The following RABGAP1L variants were observed in gnomAD, a reference collection of about 807,000 sequenced individuals.
The protein encoded by RABGAP1L is rab GTPase-activating protein 1-like.
A neutral mutation model predicts 137.7 loss-of-function variants in RABGAP1L; 63 were observed. The ratio of observed to expected loss-of-function variants is 0.46; its 90% CI spans 0.37 to 0.56. The LOEUF is 0.56. Among genes scored for constraint, RABGAP1L ranks in the 20% least tolerant of loss-of-function variants. RABGAP1L has a pLI of 0.00. For synonymous variants in RABGAP1L, 431 were observed against 433.7 expected (o/e 0.99, Z 0.08); for missense variants, 1,095 against 1,244.0 (o/e 0.88, Z 1.80).
chr1:174,821,137 A>G (rs1211819234), intron 19 of RABGAP1L, among the ~76,000 whole-genome samples: 1 of 152,082 alleles, frequency 6.6e-6, no homozygotes. Flanking sequence ...TCTTTGTCCT[A>G]ATAATTCTGC....
intron 17 of RABGAP1L, among the ~76,000 whole-genome samples, chr1:174,709,058 A>T (rs1422297244): frequency 6.6e-6 from 1 of 152,170 alleles, no homozygotes; most frequent in African/African-American, 2.4e-5. Context: ...GCCTCCAGGA[A>T]ATTCGAACTA....
chr1:174,441,403 T>C (rs1186203919), intron 13 of RABGAP1L, among the ~76,000 whole-genome samples: 1 of 152,120 alleles, frequency 6.6e-6, no homozygotes, highest in Non-Finnish European at 1.5e-5. Context: ...ATTATAATCC[T>C]ATCGGAAAAA....
At chr1:174,933,148 A>C (rs1012491198) in intron 19 of RABGAP1L, among the ~76,000 whole-genome samples, 2 of 152,130 alleles carry the variant, frequency 1.3e-5, no homozygotes, top group African/African-American at 4.8e-5. Context: ...ACATACAAAC[A>C]TACATACATT....
rs1370497225 is a variant in RABGAP1L, at chr1:174,328,012, T to TAC, written c.1465+22886_1465+22887insCA. Among the ~76,000 whole-genome samples the TAC allele has an allele frequency of 5.2e-3, 624 of 120,956 alleles. 24 individuals are homozygous for TAC. The highest frequency in any genetic ancestry group is 0.024 in the African/African-American group (597 of 24,464). The allele number at this position is 120,956 out of a possible 152,430, so 79.4% of individuals were successfully genotyped here. ...ATATATATATATATATATATATATA[T>TAC]ATATATATATATACCCAACATCAGA... On this transcript the variant is annotated intron_variant, in intron 11 of 25. Transcript: ENST00000681986.
chr1:174,622,158 C>T (rs12080070), intron 13 of RABGAP1L, among the ~76,000 whole-genome samples: 9,623 of 152,158 alleles, frequency 0.063, 1,001 homozygotes, highest in African/African-American at 0.22. Context: ...AATGAGATAC[C>T]ATCTCACACC....
intron 1 of RABGAP1L, among the ~76,000 whole-genome samples, chr1:174,161,854 G>C (rs949402604): frequency 6.6e-5 from 10 of 152,162 alleles, no homozygotes. Context: ...TCAGCCTCCT[G>C]AGTAGCTGGG....
intron 12 of RABGAP1L, among the ~76,000 whole-genome samples, chr1:174,384,365 A>G (rs995194871): frequency 1.3e-5 from 2 of 152,138 alleles, no homozygotes; most frequent in African/African-American, 4.8e-5. Flanking sequence ...ACCTATGTGC[A>G]TTTGTCAAAT....
chr1:174,461,372 G>A (rs1240524002), intron 13 of RABGAP1L, among the ~76,000 whole-genome samples: 1 of 152,176 alleles, frequency 6.6e-6, no homozygotes, highest in Non-Finnish European at 1.5e-5. Context: ...ATCCATAGTG[G>A]TAGAGCTGTG....
chr1:174,193,285 A>C (rs551990420), intron 1 of RABGAP1L, among the ~76,000 whole-genome samples: 1 of 152,220 alleles, frequency 6.6e-6, no homozygotes, highest in Admixed American at 6.5e-5. Flanking sequence ...TAATCCCAGC[A>C]CTTTGGAATG....
At chr1:174,626,991 C>T (rs1194169438) in intron 13 of RABGAP1L, among the ~76,000 whole-genome samples, 1 of 152,120 alleles carries the variant, frequency 6.6e-6, no homozygotes, top group Non-Finnish European at 1.5e-5. Context: ...TATTTATCTG[C>T]CTACTGATTG....
intron 14 of RABGAP1L, among the ~76,000 whole-genome samples, chr1:174,649,340 A>G (rs1419091274): frequency 2.0e-5 from 3 of 151,918 alleles, no homozygotes; most frequent in African/African-American, 7.3e-5. Flanking sequence ...GGCTGGTACC[A>G]GTTTTTCCTC....
intron 1 of RABGAP1L, among the ~76,000 whole-genome samples, chr1:174,188,592 A>T (rs981131890): frequency 6.6e-6 from 1 of 152,226 alleles, no homozygotes; most frequent in Non-Finnish European, 1.5e-5. Flanking sequence ...TAATCCAGAC[A>T]TATCTAATTA....
At position 174,633,630 on chromosome 1, in the gene RABGAP1L, A is replaced by T. The variant is rs1295217980; in HGVS notation, c.1711-3745A>T. 8.6e-5 allele frequency among the ~76,000 whole-genome samples: 10 copies of T among 116,188 alleles called. 2 individuals carry two copies. In the East Asian group the frequency reaches 2.0e-3, roughly 24 times the overall value. The allele number at this position is 116,188 out of a possible 152,430, so 76.2% of individuals were successfully genotyped here. The stretch of plus-strand genomic sequence containing the variant: ...GAGGCAGCACACTACCTGACTTCAA[A>T]CTATACTACAAGGCTACAGTAACCA... On this transcript the variant is annotated intron_variant, in intron 13 of 25. Transcript: ENST00000681986.
At chr1:174,350,079 G>C (rs568507508) in intron 11 of RABGAP1L, among the ~76,000 whole-genome samples, 16 of 139,080 alleles carry the variant, frequency 1.2e-4, no homozygotes, top group African/African-American at 3.8e-4. Flanking sequence ...CGGCTGGCTG[G>C]GCGGGGGGCT....
rs10688718 is a variant in RABGAP1L at position 174,924,385 on chromosome 1, C to CAAAAAA, written c.2341-33056_2341-33051dup. Among the ~76,000 whole-genome samples the CAAAAAA allele has an allele frequency of 2.9e-3, 201 of 70,066 alleles. 19 individuals are homozygous for CAAAAAA. The highest frequency in any genetic ancestry group is 0.011 in the African/African-American group (172 of 16,258). 46.0% of individuals were successfully genotyped at this position (70,066 alleles called of 152,430 possible). A position where few individuals can be genotyped will look rare whatever the true frequency, so the allele number is the denominator to read the frequency against. ...GTGGTGACAGAGCAAGACTCTGTCTCAAAAAAAAAAAAAAAAAAAAAGAGA... is the reference window on the plus strand; with the variant it reads ...GTGGTGACAGAGCAAGACTCTGTCTCAAAAAAAAAAAAAAAAAAAAAAAAAAAGAGA... On this transcript the variant is annotated intron_variant, in intron 19 of 25. Transcript: ENST00000681986.
intron 13 of RABGAP1L, among the ~76,000 whole-genome samples, chr1:174,573,025 C>T (rs1424472502): frequency 6.7e-6 from 1 of 149,994 alleles, no homozygotes; most frequent in Non-Finnish European, 1.5e-5. Flanking sequence ...AGTCATTTAT[C>T]TAGTTAACTG....
chr1:174,191,968 C>T (rs1667241935), intron 1 of RABGAP1L, among the ~76,000 whole-genome samples: 1 of 152,132 alleles, frequency 6.6e-6, no homozygotes, highest in South Asian at 2.1e-4. Context: ...TGCATTTATA[C>T]TAGAGTCTGC....
At chr1:174,329,012 T>C (rs1680790070) in intron 11 of RABGAP1L, among the ~76,000 whole-genome samples, 1 of 136,336 alleles carries the variant, frequency 7.3e-6, no homozygotes, top group Non-Finnish European at 1.5e-5. Context: ...TCAGAGCAAA[T>C]ATAAATGAAA....
At chr1:174,764,926 T>A (rs1294752349) in intron 18 of RABGAP1L, among the ~76,000 whole-genome samples, 4 of 152,232 alleles carry the variant, frequency 2.6e-5, no homozygotes, top group African/African-American at 9.6e-5. Flanking sequence ...GTTCACTGTG[T>A]TTTAATCCAG....
Sources: allele counts gnomAD v4.1 joint callset (sites outside exome capture counted in the v4.1 genomes callset), GRCh38; gene constraint gnomAD v4.1.1; transcripts MANE v1.5; gene names NCBI Gene and HGNC (gene_info 2026-07-23, HGNC 2026-07-21).